SP3: variants seen among roughly 807,000 people sequenced by gnomAD.
The protein encoded by SP3 is Sp3 transcription factor.
Under a neutral mutation model 70.3 loss-of-function variants are expected in SP3, and 10 were observed. The ratio of observed to expected loss-of-function variants is 0.14; its 90% CI spans 0.09 to 0.24. The LOEUF (loss-of-function observed/expected upper bound fraction) is 0.24, where lower values mean the gene tolerates loss of function less well. Ranked by LOEUF, SP3 falls within the 10% of genes least tolerant of loss-of-function variation. The pLI, the probability that SP3 is intolerant of heterozygous loss-of-function variation, is 1.00. For missense variants in SP3, 825 were observed against 914.6 expected, an observed-to-expected ratio of 0.90 and a Z score of 1.26; for synonymous variants, 402 against 333.5, an observed-to-expected ratio of 1.21 and a Z score of -2.24.
At chr2:173,964,278 GGGGGAGGGGAGTGGA>G in intron 2 of SP3, 112 bp downstream of exon 2, 2 of 519,814 alleles carry the variant, frequency 3.8e-6, no homozygotes, top group South Asian at 2.4e-5. Flanking sequence ...TCCCGGGGCG[GGGGGAGGGGAGTGGA>G]GGGGAGGGGA....
intron 4 of SP3, among the ~76,000 whole-genome samples, chr2:173,947,609 CTTT>C (rs1690584311): frequency 6.6e-6 from 1 of 152,060 alleles, no homozygotes; most frequent in African/African-American, 2.4e-5. Context: ...GCTATTGCTT[CTTT>C]TATCTCACTG....
At chr2:173,932,270 C>T (rs1490560571) in intron 4 of SP3, among the ~76,000 whole-genome samples, 1 of 152,178 alleles carries the variant, frequency 6.6e-6, no homozygotes, top group Non-Finnish European at 1.5e-5. Flanking sequence ...CAGCTCACTG[C>T]AACATCTGCC....
intron 4 of SP3, among the ~76,000 whole-genome samples, chr2:173,944,771 T>C (rs1238693373): frequency 1.3e-5 from 2 of 152,324 alleles, no homozygotes; most frequent in East Asian, 1.9e-4. Flanking sequence ...AAACTAAATA[T>C]ACTATTCCAA....
chr2:173,920,834 A>G (rs1437656041), intron 4 of SP3, among the ~76,000 whole-genome samples: 1 of 151,812 alleles, frequency 6.6e-6, no homozygotes, highest in African/African-American at 2.4e-5. Flanking sequence ...CAAGTGATCC[A>G]CCCACCTCAG....
chr2:173,902,445 A>T lies in SP3; in HGVS notation c.*7496T>A, dbSNP rs1376086878. On this transcript the variant is annotated 3_prime_UTR_variant, in exon 7 of 7. Coordinates refer to ENST00000310015, the MANE Select transcript of SP3 (RefSeq NM_003111.5). Reference sequence around the variant, plus strand: ...TATCTGGTGAAACTGAAGATTAAGAATATCCTGTTGGCCAGTGATTCAAGT... The same window carrying T: ...TATCTGGTGAAACTGAAGATTAAGATTATCCTGTTGGCCAGTGATTCAAGT... 6.6e-6 allele frequency among the ~76,000 whole-genome samples: 1 copy of T among 152,338 alleles called. No homozygotes were observed. The highest frequency in any genetic ancestry group is 1.9e-4 in the East Asian group (1 of 5,192).
chr2:173,927,530 G>A (rs1252464379), intron 4 of SP3, among the ~76,000 whole-genome samples: 12 of 151,872 alleles, frequency 7.9e-5, no homozygotes, highest in African/African-American at 2.4e-4. Flanking sequence ...TGCCGGCCTC[G>A]GTCTCCCAAA....
At chr2:173,936,898 G>C (rs1279416762) in intron 4 of SP3, among the ~76,000 whole-genome samples, 1 of 150,292 alleles carries the variant, frequency 6.7e-6, no homozygotes, top group Non-Finnish European at 1.5e-5. Flanking sequence ...TCTCTATTAG[G>C]TCTCCTGGAG....
chr2:173,957,000 TTCTCAATGGGAA>T (rs1350339247), intron 3 of SP3, among the ~76,000 whole-genome samples: 1 of 152,174 alleles, frequency 6.6e-6, no homozygotes, highest in Non-Finnish European at 1.5e-5. Flanking sequence ...TTTCATTATA[TTCTCAATGGGAA>T]TCTCAATGGG....
chr2:173,965,380 C>T (rs973216380), upstream of SP3: 1 of 585,876 alleles, frequency 1.7e-6, no homozygotes, highest in Non-Finnish European at 3.0e-6. Flanking sequence ...TGACAGCCCG[C>T]CCGGAACTCC....
In SP3 at chr2:173,955,225, T is replaced by C. The variant is rs761897843; in HGVS notation, c.1287A>G (p.Gln429=). Residue 429 remains glutamine (Q), a synonymous_variant, in exon 4 of 7, where the codon CAA becomes CAG. Transcript: ENST00000310015. ...QTIHGVQASG[Q]NISQQALQNL... ...TTTGCAAAGCCTGTTGTGATATATT[T>C]TGACCACTGGCTTGCACACCATGGA... 1.4e-5 allele frequency: 23 copies of C among 1,614,076 alleles called. No individual in the cohort carries two copies. The African/African-American group carries it at 2.4e-4, about 17-fold the overall frequency.
rs1689336769 is a variant in SP3 at position 173,906,777 on chromosome 2, T to C, written c.*3164A>G. On this transcript the variant is annotated 3_prime_UTR_variant, in exon 7 of 7. Coordinates refer to ENST00000310015, the MANE Select transcript of SP3 (RefSeq NM_003111.5). Reference sequence around the variant, plus strand: ...TAAGTGATTGTAACGCAGGAGTGTTTAACAGAACCACTTGAGCAGCTGTTT... The same window carrying C: ...TAAGTGATTGTAACGCAGGAGTGTTCAACAGAACCACTTGAGCAGCTGTTT... 6.6e-6 allele frequency: 1 copy of C among 152,182 alleles called. No individual in the cohort carries two copies. Among genetic ancestry groups the C allele is most frequent in the African/African-American group, 2.4e-5 (1 of 41,430 alleles). The allele number at this position is 152,182 out of a possible 1,614,324, so 9.4% of individuals were successfully genotyped here.
intron 4 of SP3, among the ~76,000 whole-genome samples, chr2:173,926,192 T>C (rs1018480973): frequency 1.1e-4 from 16 of 152,178 alleles, no homozygotes; most frequent in African/African-American, 2.9e-4. Context: ...TCACAATGTC[T>C]AGTCTAACTT....
chr2:173,962,717 C>CA (rs1168649330), intron 3 of SP3, among the ~76,000 whole-genome samples: 1 of 152,114 alleles, frequency 6.6e-6, no homozygotes, highest in African/African-American at 2.4e-5. Flanking sequence ...CTTCTGTCTT[C>CA]AGTGACTATT....
At chr2:173,926,103 CTA>C (rs1217077025) in intron 4 of SP3, among the ~76,000 whole-genome samples, 2 of 152,140 alleles carry the variant, frequency 1.3e-5, no homozygotes, top group African/African-American at 4.8e-5. Flanking sequence ...TCAAAACAAA[CTA>C]TGACTACAAC....
intron 4 of SP3, among the ~76,000 whole-genome samples, chr2:173,937,361 AG>A (rs1381884891): frequency 6.6e-6 from 1 of 152,228 alleles, no homozygotes; most frequent in African/African-American, 2.4e-5. Context: ...TTAACACAAG[AG>A]ATAATGCAGG....
At chr2:173,951,576 C>A (rs1690713578) in intron 4 of SP3, among the ~76,000 whole-genome samples, 1 of 152,210 alleles carries the variant, frequency 6.6e-6, no homozygotes, top group African/African-American at 2.4e-5. Flanking sequence ...CTCCTGCATT[C>A]AATCTCTTGC....
chr2:173,959,577 T>G (rs1690997497), intron 3 of SP3, among the ~76,000 whole-genome samples: 1 of 151,802 alleles, frequency 6.6e-6, no homozygotes, highest in Non-Finnish European at 1.5e-5. Flanking sequence ...AAGACAAAAA[T>G]TAGCCGGGCA....
chr2:173,945,174 C>G (rs779021760), intron 4 of SP3, among the ~76,000 whole-genome samples: 7 of 152,106 alleles, frequency 4.6e-5, no homozygotes, highest in African/African-American at 7.2e-5. Flanking sequence ...CCATAGAATA[C>G]TAAGAAACCA....
intron 4 of SP3, among the ~76,000 whole-genome samples, chr2:173,920,696 T>G (rs1689729527): frequency 6.6e-6 from 1 of 152,130 alleles, no homozygotes; most frequent in African/African-American, 2.4e-5. Flanking sequence ...ATTCAAGTGA[T>G]TCTCCTGCCT....
Sources: allele counts gnomAD v4.1 joint callset (sites outside exome capture counted in the v4.1 genomes callset), GRCh38; gene constraint gnomAD v4.1.1; transcripts MANE v1.5; gene names NCBI Gene and HGNC (gene_info 2026-07-23, HGNC 2026-07-21).